Variants in PRKG1 observed in about 807,000 individuals in gnomAD.
The protein encoded by PRKG1 is cGMP-dependent protein kinase 1.
A neutral mutation model predicts 88.1 loss-of-function variants in PRKG1; 35 were observed. The observed-to-expected ratio is 0.40, with a 90% CI of 0.30 to 0.53. The LOEUF (loss-of-function observed/expected upper bound fraction) is 0.53, where lower values mean the gene tolerates loss of function less well. Among genes scored for constraint, PRKG1 ranks in the 20% least tolerant of loss-of-function variants. The pLI, the probability that PRKG1 is intolerant of heterozygous loss-of-function variation, is 0.59. For synonymous variants in PRKG1, 303 were observed against 292.5 expected (o/e 1.04, Z -0.37); for missense variants, 540 against 839.8 (o/e 0.64, Z 4.41).
At chr10:51,639,959 A>T (rs572819666) in intron 3 of PRKG1, among the ~76,000 whole-genome samples, 2 of 152,338 alleles carry the variant, frequency 1.3e-5, no homozygotes, top group East Asian at 1.9e-4. Context: ...GACTTCTCAC[A>T]GCCTTAGTCT....
chr10:52,173,498 G>A (rs966164369), intron 9 of PRKG1, among the ~76,000 whole-genome samples: 3 of 152,150 alleles, frequency 2.0e-5, no homozygotes, highest in African/African-American at 4.8e-5. Flanking sequence ...TTAAATGGTA[G>A]CATAAATTGT....
intron 5 of PRKG1, among the ~76,000 whole-genome samples, chr10:52,001,620 C>T (rs1844602256): frequency 6.6e-6 from 1 of 151,580 alleles, no homozygotes; most frequent in Non-Finnish European, 1.5e-5. Flanking sequence ...AAATATAAGA[C>T]TCTCTATCTT....
At chr10:51,087,212 T>C (rs550748908) in intron 1 of PRKG1, among the ~76,000 whole-genome samples, 15 of 152,304 alleles carry the variant, frequency 9.8e-5, no homozygotes, top group African/African-American at 3.4e-4. Context: ...AGAAACAATT[T>C]CCTCTCCAAA....
chr10:52,131,996 T>A (rs1049027656), intron 7 of PRKG1, among the ~76,000 whole-genome samples: 6 of 151,782 alleles, frequency 4.0e-5, no homozygotes, highest in African/African-American at 1.5e-4. Flanking sequence ...ATGGCTTTTT[T>A]AAAAAACAGG....
intron 4 of PRKG1, among the ~76,000 whole-genome samples, chr10:51,883,758 T>C (rs1445554988): frequency 6.6e-6 from 1 of 152,178 alleles, no homozygotes; most frequent in East Asian, 1.9e-4. Context: ...ATGGAATTGG[T>C]TGAGATAATA....
intron 3 of PRKG1, among the ~76,000 whole-genome samples, chr10:51,739,211 C>T (rs376083952): frequency 1.3e-5 from 2 of 152,008 alleles, no homozygotes; most frequent in Admixed American, 6.6e-5. Flanking sequence ...TCCCTAATTG[C>T]TCTGTGTGTG....
intron 2 of PRKG1, among the ~76,000 whole-genome samples, chr10:51,228,795 C>A (rs1251522288): frequency 1.3e-5 from 2 of 152,212 alleles, no homozygotes; most frequent in South Asian, 4.1e-4. Flanking sequence ...GTTAACCTTT[C>A]AATGCCTCCC....
At chr10:51,157,843 A>G (rs1469219092) in intron 2 of PRKG1, among the ~76,000 whole-genome samples, 1 of 151,646 alleles carries the variant, frequency 6.6e-6, no homozygotes, top group East Asian at 1.9e-4. Context: ...TTGCATTTCA[A>G]ATTTTATTTA....
At chr10:51,053,122 C>T (rs1158318693) in intron 1 of PRKG1, among the ~76,000 whole-genome samples, 1 of 152,050 alleles carries the variant, frequency 6.6e-6, no homozygotes, top group African/African-American at 2.4e-5. Flanking sequence ...CCCAGCTACT[C>T]AGGACACTGA....
chr10:51,328,669 C>T (rs982639221), intron 2 of PRKG1, among the ~76,000 whole-genome samples: 7 of 152,168 alleles, frequency 4.6e-5, no homozygotes, highest in Admixed American at 3.3e-4. Context: ...TTCGGTGATA[C>T]TTGTTATCTT....
intron 5 of PRKG1, among the ~76,000 whole-genome samples, chr10:52,021,014 T>C (rs542731823): frequency 2.6e-5 from 4 of 152,262 alleles, no homozygotes; most frequent in Admixed American, 2.6e-4. Context: ...CTGACATTCC[T>C]AGTGGGTGGG....
chr10:52,177,277 T>A (rs1838891910), intron 9 of PRKG1, among the ~76,000 whole-genome samples: 1 of 152,196 alleles, frequency 6.6e-6, no homozygotes, highest in African/African-American at 2.4e-5. Context: ...AAGTTTTTTA[T>A]CCTTCATTCT....
chr10:51,603,708 T>A lies in PRKG1; in HGVS notation c.592+135872T>A, dbSNP rs7090651. On this transcript the variant is annotated intron_variant, in intron 3 of 17. Transcript: ENST00000373980. ...AAGTAGAGAAAGGCTTCATGCAGCTTATGATTTAGCACAGGAAGACAAATA... is the reference window on the plus strand; with the variant it reads ...AAGTAGAGAAAGGCTTCATGCAGCTAATGATTTAGCACAGGAAGACAAATA... 2.2e-3 allele frequency among the ~76,000 whole-genome samples: 339 copies of A among 152,314 alleles called. 1 individual carries two copies. Among genetic ancestry groups the A allele is most frequent in the African/African-American group, 7.6e-3 (317 of 41,566 alleles).
chr10:51,060,052 A>G (rs1028238487), intron 1 of PRKG1, among the ~76,000 whole-genome samples: 1 of 152,070 alleles, frequency 6.6e-6, no homozygotes, highest in African/African-American at 2.4e-5. Context: ...TCATTTTATT[A>G]TTAAGAGATA....
intron 3 of PRKG1, chr10:51,568,700 C>T (rs927862794): frequency 6.6e-6 from 1 of 151,848 alleles, no homozygotes; most frequent in Non-Finnish European, 1.5e-5. Flanking sequence ...TGTAAAACAA[C>T]AAAATTAACC....
At position 52,297,894 on chromosome 10, in the gene PRKG1, G is replaced by A. The variant is rs995367057; in HGVS notation, c.*3994G>A. On this transcript the variant is annotated 3_prime_UTR_variant, in exon 18 of 18. Coordinates refer to ENST00000373980, the MANE Select transcript of PRKG1 (RefSeq NM_006258.4). ...GTTCTTGTATATGCAAATCATTTAC[G>A]AGGCAAGTTTTCAACAGACCTAGAA... 1 of 152,082 alleles carries A rather than the reference G, an allele frequency of 6.6e-6. No homozygotes were observed. Among genetic ancestry groups the A allele is most frequent in the African/African-American group, 2.4e-5 (1 of 41,406 alleles). 9.4% of individuals were successfully genotyped at this position (152,082 alleles called of 1,614,324 possible).
At chr10:52,115,580 C>G (rs1199950190) in intron 7 of PRKG1, among the ~76,000 whole-genome samples, 1 of 152,146 alleles carries the variant, frequency 6.6e-6, no homozygotes, top group Non-Finnish European at 1.5e-5. Flanking sequence ...ATGGCTTTCA[C>G]TGATCCACTA....
rs569554271 is a variant in PRKG1, at chr10:52,172,482, G to A, written c.1076+10519G>A. ...CCTTAGCCTCTCCAGAGCCCCCAGA[G>A]AACAGCCCGATACATGTTTCTTTTC... is the stretch of plus-strand genomic sequence containing the variant. On this transcript the variant is annotated intron_variant, in intron 9 of 17. Transcript: ENST00000373980. Among the ~76,000 whole-genome samples, 49 of 152,290 alleles carry A rather than the reference G, an allele frequency of 3.2e-4. 1 individual carries two copies. The East Asian group carries it at 9.3e-3, about 29-fold the overall frequency.
intron 9 of PRKG1, among the ~76,000 whole-genome samples, chr10:52,233,116 G>A (rs1290619266): frequency 1.3e-5 from 2 of 151,062 alleles, no homozygotes; most frequent in Non-Finnish European, 2.9e-5. Context: ...ATTCACATAG[G>A]CCACGTGAAT....
Sources: gnomAD v4.1 joint callset for allele counts (sites outside exome capture counted in the v4.1 genomes callset) on GRCh38, gnomAD v4.1.1 for gene constraint, MANE v1.5 for transcripts, NCBI Gene and HGNC (gene_info 2026-07-23, HGNC 2026-07-21) for gene names.